GOLM1: variants seen among roughly 807,000 people sequenced by gnomAD.
The protein encoded by GOLM1 is golgi membrane protein 1.
GOLM1 carries 31 observed loss-of-function variants against 50.5 expected under a neutral mutation model. The observed-to-expected ratio is 0.61, with a 90% CI of 0.46 to 0.83. The LOEUF (loss-of-function observed/expected upper bound fraction) is 0.83, where lower values mean the gene tolerates loss of function less well. GOLM1 is among the 40% of genes least tolerant of loss of function. GOLM1 has a pLI of 0.00. For synonymous variants in GOLM1, 178 were observed against 192.8 expected (o/e 0.92, Z 0.64); for missense variants, 491 against 501.3 (o/e 0.98, Z 0.20).
rs1832837327 is a variant in GOLM1 at position 86,027,950 on chromosome 9, G to A, written c.1130-57C>T. ...AGTATTAAATGAGATACTAGCCCTAGGCAGGTCCCATTTTCTTATCAACTT... is the reference window on the plus strand; with the variant it reads ...AGTATTAAATGAGATACTAGCCCTAAGCAGGTCCCATTTTCTTATCAACTT... On this transcript the variant is annotated intron_variant, in intron 9 of 9. Coordinates refer to ENST00000388712, the MANE Select transcript of GOLM1 (RefSeq NM_016548.4). The A allele has an allele frequency of 8.9e-6, 9 of 1,013,572 alleles. No individual in the cohort carries two copies. In the East Asian group the frequency reaches 2.0e-4, roughly 22 times the overall value. 62.8% of individuals were successfully genotyped at this position (1,013,572 alleles called of 1,614,324 possible).
At chr9:86,038,838 A>C (rs1833236141) in intron 6 of GOLM1, among the ~76,000 whole-genome samples, 1 of 152,234 alleles carries the variant, frequency 6.6e-6, no homozygotes, top group South Asian at 2.1e-4. Context: ...TAAGAACGAT[A>C]AAACTCTGAG....
chr9:86,082,169 C>CA (rs956863505), intron 1 of GOLM1, among the ~76,000 whole-genome samples: 4 of 150,662 alleles, frequency 2.7e-5, no homozygotes, highest in African/African-American at 9.7e-5. Flanking sequence ...GCTGGGACTA[C>CA]AGGCACCTGC....
intron 3 of GOLM1, 83 bp downstream of exon 3, chr9:86,077,329 G>A: frequency 9.0e-7 from 1 of 1,110,204 alleles, no homozygotes; most frequent in Non-Finnish European, 1.4e-6. Context: ...CCAGCCGCTT[G>A]CTCATCCTCC....
chr9:86,052,517 G>T lies in GOLM1; in HGVS notation c.364+20C>A. 6.2e-7 allele frequency: 1 copy of T among 1,611,724 alleles called. No homozygotes were observed. On this transcript the variant is annotated intron_variant, in intron 4 of 9. Transcript: ENST00000388712. ...TCCTCAAAGGCCAGTGCCTGGTGTG[G>T]AGGAGCGAGCGGAACTTACCTTGCA... is the stretch of plus-strand genomic sequence containing the variant.
At chr9:86,088,580 T>TG (rs1587741801) in intron 1 of GOLM1, among the ~76,000 whole-genome samples, 1 of 148,630 alleles carries the variant, frequency 6.7e-6, no homozygotes, top group African/African-American at 2.5e-5. Flanking sequence ...TTGTTTTTTT[T>TG]TTTTTTTTGT....
intron 5 of GOLM1, among the ~76,000 whole-genome samples, chr9:86,043,216 AG>A (rs779010364): frequency 2.6e-5 from 4 of 152,224 alleles, no homozygotes; most frequent in Non-Finnish European, 4.4e-5. Context: ...CAGGTGCTTC[AG>A]GGAGAAAGAA....
intron 6 of GOLM1, 26 bp from the exon 7 acceptor site, chr9:86,036,533 G>T: frequency 6.2e-7 from 1 of 1,612,406 alleles, no homozygotes; most frequent in Non-Finnish European, 8.5e-7. Context: ...AGGACAGCCA[G>T]CCAGGGCAGG....
At chr9:86,054,038 C>T (rs1298171348) in intron 3 of GOLM1, among the ~76,000 whole-genome samples, 1 of 152,138 alleles carries the variant, frequency 6.6e-6, no homozygotes, top group Non-Finnish European at 1.5e-5. Flanking sequence ...TTCTCCTGTC[C>T]ACAGAGTCTA....
At chr9:86,057,780 C>T (rs962614381) in intron 3 of GOLM1, among the ~76,000 whole-genome samples, 2 of 152,220 alleles carry the variant, frequency 1.3e-5, no homozygotes, top group African/African-American at 2.4e-5. Flanking sequence ...CAGTCACATC[C>T]CTGAGAAACA....
Position 86,040,667 on chromosome 9 carries a change from C to T in GOLM1, c.597+72G>A, listed in dbSNP as rs3750391. 9.7e-5 allele frequency: 138 copies of T among 1,424,318 alleles called. 1 individual carries two copies. In the East Asian group the frequency reaches 3.1e-3, roughly 32 times the overall value. 88.2% of individuals were successfully genotyped at this position (1,424,318 alleles called of 1,614,324 possible). On this transcript the variant is annotated intron_variant, in intron 6 of 9. Coordinates refer to ENST00000388712, the MANE Select transcript of GOLM1 (RefSeq NM_016548.4). Reference sequence around the variant, plus strand: ...GCAGAATCCAGAGAAAGCCAGGCGGCACATAAAAGAAACAAAATGCCTGAA... The same window carrying T: ...GCAGAATCCAGAGAAAGCCAGGCGGTACATAAAAGAAACAAAATGCCTGAA...
At chr9:86,046,218 T>C (rs1833534533) in intron 5 of GOLM1, among the ~76,000 whole-genome samples, 1 of 152,244 alleles carries the variant, frequency 6.6e-6, no homozygotes, top group African/African-American at 2.4e-5. Flanking sequence ...GTTGTTGACT[T>C]AACCAGTACA....
chr9:86,048,793 T>C (rs543660173), intron 4 of GOLM1, among the ~76,000 whole-genome samples: 2 of 152,306 alleles, frequency 1.3e-5, no homozygotes, highest in East Asian at 3.9e-4. Context: ...GTCAGATAGG[T>C]AGATTCAAAA....
intron 3 of GOLM1, among the ~76,000 whole-genome samples, chr9:86,066,964 A>C (rs997270893): frequency 3.9e-5 from 6 of 152,128 alleles, no homozygotes; most frequent in Non-Finnish European, 2.9e-5. Context: ...ATTTAGATGG[A>C]GTCTCGCTGT....
chr9:86,053,607 T>TCCA (rs1833873087), intron 3 of GOLM1, among the ~76,000 whole-genome samples: 1 of 3,016 alleles, frequency 3.3e-4, no homozygotes, highest in Non-Finnish European at 8.7e-4. Flanking sequence ...CACACACACA[T>TCCA]CACACACCAC....
At chr9:86,095,085 A>G (rs1368977483) in intron 1 of GOLM1, among the ~76,000 whole-genome samples, 1 of 151,434 alleles carries the variant, frequency 6.6e-6, no homozygotes, top group East Asian at 1.9e-4. Context: ...AAAAAAAAAA[A>G]AAAGAAAAAG....
chr9:86,046,512 T>C lies in GOLM1; in HGVS notation c.425A>G (p.Gln142Arg). 1 of 1,613,566 alleles carries C rather than the reference T, an allele frequency of 6.2e-7. No individual in the cohort carries two copies. The highest frequency in any genetic ancestry group is 8.5e-7 in the Non-Finnish European group (1 of 1,179,490). The change falls in exon 5 of 10, where the codon CAG becomes CGG. Residue 142 changes from glutamine (Q) to arginine (R), a missense_variant. Transcript: ENST00000388712. The part of the protein sequence containing the change: ...GRLQQDVLQF[Q>R]KNQTNLERKF... The stretch of plus-strand genomic sequence containing the variant: ...CCTCTCCAGGTTGGTCTGGTTCTTC[T>C]GAAACTGGAGGACATCCTGCTGCAG...
At chr9:86,040,920 G>A in intron 5 of GOLM1, 52 bp from the exon 6 acceptor site, 4 of 1,573,152 alleles carry the variant, frequency 2.5e-6, no homozygotes, top group South Asian at 1.2e-5. Context: ...CTGTGTCTCT[G>A]CTGGACGGTG....
At chr9:86,056,018 T>C (rs1013365457) in intron 3 of GOLM1, among the ~76,000 whole-genome samples, 4 of 152,044 alleles carry the variant, frequency 2.6e-5, no homozygotes, top group African/African-American at 9.7e-5. Context: ...TTACACAGTG[T>C]TTACCCCCAG....
chr9:86,070,130 G>A (rs1834405707), intron 3 of GOLM1, among the ~76,000 whole-genome samples: 1 of 151,962 alleles, frequency 6.6e-6, no homozygotes, highest in African/African-American at 2.4e-5. Flanking sequence ...TGATCTGCCT[G>A]CCTCAGCCTC....
Sources: gnomAD v4.1 joint callset for allele counts (sites outside exome capture counted in the v4.1 genomes callset) on GRCh38, gnomAD v4.1.1 for gene constraint, MANE v1.5 for transcripts, NCBI Gene and HGNC (gene_info 2026-07-23, HGNC 2026-07-21) for gene names.